The following TSHZ3 variants were observed in gnomAD, a reference collection of about 807,000 sequenced individuals.
TSHZ3 encodes teashirt zinc finger homeobox 3, also known as teashirt homolog 3.
In TSHZ3, 10 loss-of-function variants were observed where a neutral mutation model predicts 64.5. That is an observed-to-expected ratio of 0.16 (90% CI 0.10 to 0.26). TSHZ3 has a LOEUF of 0.26. TSHZ3 is among the 10% of genes least tolerant of loss of function. TSHZ3 has a pLI of 1.00. For synonymous variants in TSHZ3, 608 were observed against 593.1 expected (o/e 1.03, Z -0.36); for missense variants, 1,242 against 1,421.7 (o/e 0.87, Z 2.03).
In TSHZ3 at chr19:31,277,833, T is replaced by C. The variant is rs1392608828; in HGVS notation, c.1960A>G (p.Ile654Val). ...CCATCGCTGGATGCCTCCATCTTGA[T>C]GGGTTCCCCGACTTCGCTGCTACAT... is the stretch of plus-strand genomic sequence containing the variant. ...SPCSSEVGEP[I>V]KMEASSDGGF... The change falls in exon 2 of 2, where the codon ATC becomes GTC. Residue 654 changes from isoleucine to valine, a missense_variant. By Grantham distance (29) the Ile-to-Val change is conservative. Coordinates refer to ENST00000240587, the MANE Select transcript of TSHZ3 (RefSeq NM_020856.4). This position sits in a 1 kb window ranked among gnomAD's most constrained non-coding sequence, Gnocchi z 4.5. 1.3e-6 allele frequency: 2 copies of C among 1,574,306 alleles called. No homozygotes were observed. Among genetic ancestry groups the C allele is most frequent in the Admixed American group, 3.7e-5 (2 of 54,698 alleles).
At chr19:31,183,391 G>A (rs1260559136) in intron 5 of TSHZ3, among the ~76,000 whole-genome samples, 1 of 152,154 alleles carries the variant, frequency 6.6e-6, no homozygotes, top group Non-Finnish European at 1.5e-5. Context: ...TGAAAGATAT[G>A]TTGCATGAAA....
At chr19:31,235,416 T>C (rs769281890) in intron 3 of TSHZ3, among the ~76,000 whole-genome samples, 15 of 152,056 alleles carry the variant, frequency 9.9e-5, no homozygotes, top group Non-Finnish European at 1.9e-4. Flanking sequence ...CTGTTTTAGG[T>C]TCCACATATA....
At chr19:31,178,265 T>G (rs972790945) in intron 5 of TSHZ3, among the ~76,000 whole-genome samples, 3 of 152,224 alleles carry the variant, frequency 2.0e-5, no homozygotes, top group African/African-American at 7.2e-5. Context: ...CAGCATCTCC[T>G]GGCTACTGGG....
At chr19:31,160,622 G>A (rs1033132695) in intron 5 of TSHZ3, among the ~76,000 whole-genome samples, 4 of 151,988 alleles carry the variant, frequency 2.6e-5, no homozygotes. Context: ...GAAAGGGATA[G>A]TTTAGCCACA....
intron 1 of TSHZ3, among the ~76,000 whole-genome samples, chr19:31,245,013 CTA>C (rs1445989056): frequency 6.6e-6 from 1 of 152,090 alleles, no homozygotes; most frequent in Non-Finnish European, 1.5e-5. Flanking sequence ...AATAAATACT[CTA>C]TGTAATTTGT....
chr19:31,244,320 C>T (rs1249069579), intron 1 of TSHZ3, among the ~76,000 whole-genome samples: 1 of 152,112 alleles, frequency 6.6e-6, no homozygotes, highest in Admixed American at 6.5e-5. Flanking sequence ...CTTCCTCCTG[C>T]TCTGGCCATG....
chr19:31,333,036 G>T (rs1375974164), intron 1 of TSHZ3, among the ~76,000 whole-genome samples: 4 of 151,896 alleles, frequency 2.6e-5, no homozygotes, highest in Non-Finnish European at 5.9e-5. Flanking sequence ...GCCCAAGGAG[G>T]TCGAGGCTGC....
At chr19:31,208,390 T>C (rs552876568) in intron 4 of TSHZ3, among the ~76,000 whole-genome samples, 33 of 152,296 alleles carry the variant, frequency 2.2e-4, no homozygotes, top group African/African-American at 7.7e-4. Flanking sequence ...AGAGTCCAAT[T>C]GGCCGAGCTT....
chr19:31,345,214 C>G (rs898157551), intron 1 of TSHZ3, among the ~76,000 whole-genome samples: 1 of 152,214 alleles, frequency 6.6e-6, no homozygotes, highest in Admixed American at 6.5e-5. Context: ...AATCATAGAA[C>G]GGTCAAAACC....
At chr19:31,261,731 A>G (rs1281887603) in intron 1 of TSHZ3, among the ~76,000 whole-genome samples, 1 of 152,160 alleles carries the variant, frequency 6.6e-6, no homozygotes, top group East Asian at 1.9e-4. Flanking sequence ...TCCTGCTTAC[A>G]GAAACCGGGG....
chr19:31,234,321 T>G (rs1407710824), intron 3 of TSHZ3, among the ~76,000 whole-genome samples: 2 of 152,212 alleles, frequency 1.3e-5, no homozygotes, highest in Non-Finnish European at 2.9e-5. Flanking sequence ...TTAATACATT[T>G]TTATTTCTTC....
At chr19:31,190,272 C>T (rs1684627832) in intron 5 of TSHZ3, among the ~76,000 whole-genome samples, 1 of 152,120 alleles carries the variant, frequency 6.6e-6, no homozygotes, top group African/African-American at 2.4e-5. Context: ...CAGGCATGCA[C>T]ATGGTATCAC....
At chr19:31,165,943 G>T (rs1161405481) in intron 5 of TSHZ3, among the ~76,000 whole-genome samples, 2 of 152,164 alleles carry the variant, frequency 1.3e-5, no homozygotes, top group Admixed American at 1.3e-4. Context: ...TGGATGTGCC[G>T]ACTTCTAGTA....
intron 3 of TSHZ3, among the ~76,000 whole-genome samples, chr19:31,240,486 T>C (rs1471611230): frequency 6.6e-6 from 1 of 152,204 alleles, no homozygotes; most frequent in East Asian, 1.9e-4. Flanking sequence ...TTTCCGCATT[T>C]AATCTGTTGT....
intron 4 of TSHZ3, among the ~76,000 whole-genome samples, chr19:31,216,047 A>G (rs893165102): frequency 2.7e-5 from 4 of 150,716 alleles, no homozygotes; most frequent in East Asian, 1.9e-4. Context: ...GAAAAACCAT[A>G]CAATGCAATT....
intron 1 of TSHZ3, among the ~76,000 whole-genome samples, chr19:31,248,528 G>A (rs980668853): frequency 1.3e-5 from 2 of 152,010 alleles, no homozygotes; most frequent in Admixed American, 6.6e-5. Flanking sequence ...TGGGTCCAAG[G>A]CCGGGAGCAG....
At chr19:31,225,138 T>G (rs141501742) in intron 4 of TSHZ3, among the ~76,000 whole-genome samples, 2 of 152,332 alleles carry the variant, frequency 1.3e-5, no homozygotes, top group Non-Finnish European at 2.9e-5. Flanking sequence ...TTTTCCTTCA[T>G]GCAAATGCTG....
At chr19:31,185,181 G>A (rs4805647) in intron 5 of TSHZ3, among the ~76,000 whole-genome samples, 4 of 151,878 alleles carry the variant, frequency 2.6e-5, no homozygotes, top group Admixed American at 6.5e-5. Flanking sequence ...GCCAGTGGCC[G>A]CCATGCAGAC....
chr19:31,173,031 G>A (rs1974557761), intron 5 of TSHZ3, among the ~76,000 whole-genome samples: 1 of 152,204 alleles, frequency 6.6e-6, no homozygotes, highest in African/African-American at 2.4e-5. Flanking sequence ...CTCATGCTTA[G>A]ATGAAATGGC....
Sources: gnomAD v4.1 joint callset for allele counts (sites outside exome capture counted in the v4.1 genomes callset) on GRCh38, gnomAD v4.1.1 for gene constraint, Gnocchi (gnomAD v3.1) non-coding constraint, MANE v1.5 for transcripts, NCBI Gene and HGNC (gene_info 2026-07-23, HGNC 2026-07-21) for gene names.